Variants in HERC3 observed in about 807,000 individuals in gnomAD.
The protein encoded by HERC3 is probable E3 ubiquitin-protein ligase HERC3.
Under a neutral mutation model 129.9 loss-of-function variants are expected in HERC3, and 58 were observed. The observed-to-expected ratio is 0.45, with a 90% CI of 0.36 to 0.56. HERC3 has a LOEUF of 0.56. Among genes scored for constraint, HERC3 ranks in the 20% least tolerant of loss-of-function variants. The pLI is 0.00. For missense variants in HERC3, 835 were observed against 1,244.2 expected, an observed-to-expected ratio of 0.67 and a Z score of 4.95; for synonymous variants, 430 against 451.0, an observed-to-expected ratio of 0.95 and a Z score of 0.59.
chr4:88,619,665 A>G (rs1725302131), intron 3 of HERC3, among the ~76,000 whole-genome samples: 1 of 152,222 alleles, frequency 6.6e-6, no homozygotes, highest in Admixed American at 6.5e-5. Context: ...TAACGAAGCC[A>G]AAAGGTGAGT....
chr4:88,623,935 C>T (rs1725818822), intron 3 of HERC3, among the ~76,000 whole-genome samples: 1 of 152,160 alleles, frequency 6.6e-6, no homozygotes, highest in Non-Finnish European at 1.5e-5. Context: ...TTCTCATTTC[C>T]CTTTATGTCA....
chr4:88,686,384 C>T (rs779559281), intron 21 of HERC3, among the ~76,000 whole-genome samples: 3 of 152,130 alleles, frequency 2.0e-5, no homozygotes, highest in Non-Finnish European at 2.9e-5. Context: ...GGCTGGAGGG[C>T]CCCTGCAATA....
intron 23 of HERC3, among the ~76,000 whole-genome samples, chr4:88,703,204 G>A (rs1260272462): frequency 6.6e-6 from 1 of 152,102 alleles, no homozygotes; most frequent in Non-Finnish European, 1.5e-5. Context: ...CCCACCTGCA[G>A]CTTCCCCAGA....
At chr4:88,631,316 G>A (rs10007713) in intron 3 of HERC3, among the ~76,000 whole-genome samples, 7,001 of 152,178 alleles carry the variant, frequency 0.046, 208 homozygotes, top group Middle Eastern at 0.12. Context: ...TTAGCCAGGC[G>A]TTGTGGTGTG....
intron 3 of HERC3, among the ~76,000 whole-genome samples, chr4:88,617,897 G>A (rs1357741244): frequency 6.6e-6 from 1 of 150,974 alleles, no homozygotes; most frequent in African/African-American, 2.4e-5. Context: ...AAAAAAAACA[G>A]GGAGTGCAGA....
chr4:88,590,353 G>C (rs1578120169), upstream of HERC3, among the ~76,000 whole-genome samples: 1 of 152,088 alleles, frequency 6.6e-6, no homozygotes, highest in African/African-American at 2.4e-5. Context: ...GAGGTCAGGA[G>C]ATTGAGACCA....
At chr4:88,564,260 A>G in the HERC3 span, among the ~76,000 whole-genome samples, 5 of 152,172 alleles carry the variant, frequency 3.3e-5, no homozygotes, top group South Asian at 2.1e-4. Context: ...CTTTTCTGAC[A>G]TGTCTTTGTC....
At chr4:88,561,256 C>A in the HERC3 span, among the ~76,000 whole-genome samples, 1 of 152,044 alleles carries the variant, frequency 6.6e-6, no homozygotes, top group South Asian at 2.1e-4. Flanking sequence ...TGCTGATTGG[C>A]AATTTGTGAT....
At chr4:88,657,027 C>G (rs1381168814) in intron 9 of HERC3, 1 of 151,758 alleles carries the variant, frequency 6.6e-6, no homozygotes, top group Non-Finnish European at 1.5e-5. Context: ...AGTTAAATAG[C>G]AGTCTTGGTT....
chr4:88,592,823 C>T (rs1205943207), intron 1 of HERC3, among the ~76,000 whole-genome samples: 1 of 151,802 alleles, frequency 6.6e-6, no homozygotes, highest in Non-Finnish European at 1.5e-5. Context: ...CGTGGGCTCG[C>T]CCTCCGGTCA....
chr4:88,636,286 A>C (rs1347025095), intron 3 of HERC3, among the ~76,000 whole-genome samples: 1 of 152,218 alleles, frequency 6.6e-6, no homozygotes, highest in Non-Finnish European at 1.5e-5. Flanking sequence ...GGCTCAAAAT[A>C]AAGGGATGGA....
At chr4:88,702,948 C>T (rs746411005) in intron 23 of HERC3, among the ~76,000 whole-genome samples, 26 of 152,136 alleles carry the variant, frequency 1.7e-4, no homozygotes, top group Non-Finnish European at 2.6e-4. Flanking sequence ...GCAACCTGCC[C>T]GGGAAACCAA....
the HERC3 span, among the ~76,000 whole-genome samples, chr4:88,552,163 T>C: frequency 6.6e-6 from 1 of 151,272 alleles, no homozygotes; most frequent in Admixed American, 6.6e-5. Flanking sequence ...AGGGATAGCA[T>C]TAGGAGATAT....
At chr4:88,682,292 A>AT (rs1159663789) in intron 21 of HERC3, among the ~76,000 whole-genome samples, 2 of 151,726 alleles carry the variant, frequency 1.3e-5, no homozygotes, top group Non-Finnish European at 2.9e-5. Flanking sequence ...GTAGAGCCAC[A>AT]TTTTTTTTAT....
the HERC3 span, among the ~76,000 whole-genome samples, chr4:88,564,940 A>G: frequency 6.6e-6 from 1 of 151,980 alleles, no homozygotes; most frequent in Admixed American, 6.6e-5. Flanking sequence ...TTATGTTTCA[A>G]GAAAAATTTT....
At chr4:88,598,859 T>C (rs1205744484) in intron 2 of HERC3, among the ~76,000 whole-genome samples, 2 of 152,290 alleles carry the variant, frequency 1.3e-5, no homozygotes, top group East Asian at 1.9e-4. Flanking sequence ...CAGGTTGACA[T>C]TGAGAGAAAG....
At chr4:88,620,304 C>T (rs1725371760) in intron 3 of HERC3, among the ~76,000 whole-genome samples, 2 of 152,182 alleles carry the variant, frequency 1.3e-5, no homozygotes, top group African/African-American at 2.4e-5. Context: ...TTAAATTCTC[C>T]ACTTGGATAT....
chr4:88,636,422 G>T (rs1727407705), intron 3 of HERC3, among the ~76,000 whole-genome samples: 1 of 152,146 alleles, frequency 6.6e-6, no homozygotes, highest in Non-Finnish European at 1.5e-5. Flanking sequence ...ATGGTAAAGG[G>T]ATCAATTCAA....
intron 23 of HERC3, among the ~76,000 whole-genome samples, chr4:88,689,814 C>G (rs907334815): frequency 3.9e-5 from 6 of 151,996 alleles, no homozygotes; most frequent in Non-Finnish European, 7.4e-5. Flanking sequence ...CTGACCTGAG[C>G]TGATCTGCCC....
Sources: gnomAD v4.1 joint callset for allele counts (sites outside exome capture counted in the v4.1 genomes callset) on GRCh38, gnomAD v4.1.1 for gene constraint, MANE v1.5 for transcripts, NCBI Gene and HGNC (gene_info 2026-07-23, HGNC 2026-07-21) for gene names.